Variants in GALNT18 observed in about 807,000 individuals in gnomAD.
GALNT18 encodes the protein GalNAc-transferase 18.
Under a neutral mutation model 69.5 loss-of-function variants are expected in GALNT18, and 44 were observed. The observed-to-expected ratio is 0.63, with a 90% CI of 0.50 to 0.81. GALNT18 has a LOEUF of 0.81. Among genes scored for constraint, GALNT18 ranks in the 40% least tolerant of loss-of-function variants. The pLI, the probability that GALNT18 is intolerant of heterozygous loss-of-function variation, is 0.00. For missense variants in GALNT18, 715 were observed against 810.0 expected (o/e 0.88, Z 1.42); for synonymous variants, 364 against 318.2 (o/e 1.14, Z -1.53).
intron 6 of GALNT18, among the ~76,000 whole-genome samples, chr11:11,343,483 C>T (rs77506271): frequency 0.046 from 6,988 of 152,268 alleles, 499 homozygotes; most frequent in African/African-American, 0.15. Flanking sequence ...ACTTCCCCCA[C>T]GATGATCAAG....
chr11:11,481,333 C>T (rs143825359), intron 1 of GALNT18, among the ~76,000 whole-genome samples: 159 of 152,258 alleles, frequency 1.0e-3, no homozygotes, highest in African/African-American at 3.7e-3. Context: ...AGCTTAGGAT[C>T]CCCCCAGAAG....
chr11:11,527,579 T>C (rs1052254987), intron 1 of GALNT18, among the ~76,000 whole-genome samples: 16 of 151,664 alleles, frequency 1.1e-4, no homozygotes, highest in Admixed American at 1.3e-4. Context: ...CCATGAGCAA[T>C]GGCCCATGAA....
chr11:11,298,321 C>T (rs1391300149), intron 9 of GALNT18, among the ~76,000 whole-genome samples: 4 of 152,252 alleles, frequency 2.6e-5, no homozygotes, highest in Non-Finnish European at 4.4e-5. Context: ...TTTCCATGCC[C>T]GTGGCTACTG....
At chr11:11,561,844 G>A (rs1858516598) in intron 1 of GALNT18, among the ~76,000 whole-genome samples, 1 of 152,162 alleles carries the variant, frequency 6.6e-6, no homozygotes, top group Non-Finnish European at 1.5e-5. Context: ...AACCGGGCAG[G>A]GGAATTAATA....
At chr11:11,408,836 G>A (rs910302442) in intron 3 of GALNT18, among the ~76,000 whole-genome samples, 1 of 152,116 alleles carries the variant, frequency 6.6e-6, no homozygotes. Context: ...ACAGGGCCAG[G>A]GTCAGAGCAG....
intron 3 of GALNT18, among the ~76,000 whole-genome samples, chr11:11,401,594 C>A (rs745612965): frequency 3.9e-5 from 6 of 152,242 alleles, no homozygotes; most frequent in Non-Finnish European, 4.4e-5. Context: ...ACTGGGATTC[C>A]TCTACTAGGG....
chr11:11,407,471 C>T (rs1466464967), intron 3 of GALNT18, among the ~76,000 whole-genome samples: 12 of 152,338 alleles, frequency 7.9e-5, no homozygotes, highest in East Asian at 1.9e-4. Context: ...TCAGCACACA[C>T]GTCTCTGTTC....
chr11:11,499,772 C>A (rs900574719), intron 1 of GALNT18, among the ~76,000 whole-genome samples: 1 of 152,212 alleles, frequency 6.6e-6, no homozygotes, highest in Non-Finnish European at 1.5e-5. Context: ...AGATTCAGAC[C>A]TCTGCTGACC....
intron 3 of GALNT18, among the ~76,000 whole-genome samples, chr11:11,401,129 A>G (rs975321088): frequency 6.6e-6 from 1 of 152,174 alleles, no homozygotes; most frequent in Non-Finnish European, 1.5e-5. Flanking sequence ...AAGGGTCTCC[A>G]TCTGACCCAC....
rs1202694826 is a variant in GALNT18, at chr11:11,601,425, G to T, written c.235+19934C>A. Reference sequence around the variant, plus strand: ...TGATTCTCCCTATCGAACCCCCTAGGATGACAGTGATTTTAGCAGAGCTCC... The same window carrying T: ...TGATTCTCCCTATCGAACCCCCTAGTATGACAGTGATTTTAGCAGAGCTCC... On this transcript the variant is annotated intron_variant, in intron 1 of 10. Transcript: ENST00000227756. The surrounding 1 kb of genome is among the most constrained non-coding windows in gnomAD (Gnocchi z 4.0). Among the ~76,000 whole-genome samples, 1 of 152,152 alleles carries T rather than the reference G, an allele frequency of 6.6e-6. No homozygotes were observed. The highest frequency in any genetic ancestry group is 1.5e-5 in the Non-Finnish European group (1 of 68,030).
chr11:11,571,470 C>T (rs1039984927), intron 1 of GALNT18, among the ~76,000 whole-genome samples: 2 of 152,192 alleles, frequency 1.3e-5, no homozygotes, highest in African/African-American at 2.4e-5. Context: ...AGAAGCCCCC[C>T]AAGGCTCTAG....
chr11:11,416,266 T>G (rs890447066), intron 3 of GALNT18, among the ~76,000 whole-genome samples: 1 of 152,168 alleles, frequency 6.6e-6, no homozygotes, highest in Non-Finnish European at 1.5e-5. Flanking sequence ...TTGCTGGAAT[T>G]TTCTGTTGTA....
chr11:11,534,062 G>A (rs1857718441), intron 1 of GALNT18, among the ~76,000 whole-genome samples: 1 of 152,368 alleles, frequency 6.6e-6, no homozygotes, highest in South Asian at 2.1e-4. Context: ...CTACGTCACA[G>A]ATCAGGAAAC....
chr11:11,454,078 G>A lies in GALNT18; in HGVS notation c.236-5142C>T, dbSNP rs556460967. Among the ~76,000 whole-genome samples, 3 of 152,256 alleles carry A rather than the reference G, an allele frequency of 2.0e-5. No homozygotes were observed. Among genetic ancestry groups the A allele is most frequent in the South Asian group, 2.1e-4 (1 of 4,818 alleles). On this transcript the variant is annotated intron_variant, in intron 1 of 10. Coordinates refer to ENST00000227756, the MANE Select transcript of GALNT18 (RefSeq NM_198516.3). The surrounding 1 kb of genome is among the most constrained non-coding windows in gnomAD (Gnocchi z 4.2). ...ACGAATAGGGCATTAGCAGTGGGTCGTCGTGAGGTCAGAAAACTCCCTGCC... is the reference window on the plus strand; with the variant it reads ...ACGAATAGGGCATTAGCAGTGGGTCATCGTGAGGTCAGAAAACTCCCTGCC...
chr11:11,474,577 G>T (rs567423232), intron 1 of GALNT18, among the ~76,000 whole-genome samples: 1 of 152,178 alleles, frequency 6.6e-6, no homozygotes, highest in Non-Finnish European at 1.5e-5. Context: ...GAAAGAAGTG[G>T]CTTGGATGAT....
intron 6 of GALNT18, chr11:11,352,731 T>C: frequency 1.2e-6 from 2 of 1,614,162 alleles, no homozygotes; most frequent in South Asian, 2.2e-5. Context: ...AATATCATAG[T>C]CTGTTAACGT....
intron 1 of GALNT18, among the ~76,000 whole-genome samples, chr11:11,450,162 C>A (rs950232418): frequency 6.6e-6 from 1 of 152,204 alleles, no homozygotes; most frequent in Admixed American, 6.5e-5. Context: ...TGGAATGAGA[C>A]AGTGATCAGA....
At chr11:11,296,484 G>A (rs1590018193) in intron 9 of GALNT18, among the ~76,000 whole-genome samples, 1 of 152,312 alleles carries the variant, frequency 6.6e-6, no homozygotes, top group African/African-American at 2.4e-5. Context: ...ATTTCCTGAG[G>A]TTTGGGGATG....
At chr11:11,379,544 G>A (rs1010923743) in intron 3 of GALNT18, among the ~76,000 whole-genome samples, 9 of 152,238 alleles carry the variant, frequency 5.9e-5, no homozygotes, top group Admixed American at 4.6e-4. Flanking sequence ...TTCACAACAA[G>A]CCAATAGGAA....
Sources: gnomAD v4.1 joint callset for allele counts (sites outside exome capture counted in the v4.1 genomes callset) on GRCh38, gnomAD v4.1.1 for gene constraint, Gnocchi (gnomAD v3.1) non-coding constraint, MANE v1.5 for transcripts, NCBI Gene and HGNC (gene_info 2026-07-23, HGNC 2026-07-21) for gene names.